The following SANBR variants were observed in gnomAD, a reference collection of about 807,000 sequenced individuals.
SANBR encodes the protein SANT and BTB domain regulator of class switch recombination.
SANBR carries 77 observed loss-of-function variants against 101.8 expected under a neutral mutation model. The observed-to-expected ratio is 0.76, with a 90% CI of 0.63 to 0.91. SANBR has a LOEUF of 0.91. SANBR is among the 40% of genes least tolerant of loss of function. SANBR has a pLI of 0.00. For missense variants in SANBR, 875 were observed against 853.0 expected (o/e 1.03, Z -0.32); for synonymous variants, 279 against 274.7 (o/e 1.02, Z -0.15).
intron 17 of SANBR, 76 bp downstream of exon 17, chr2:61,116,146 G>T: frequency 1.0e-6 from 1 of 993,106 alleles, no homozygotes; most frequent in Non-Finnish European, 1.5e-6. Context: ...AAAATAAAAA[G>T]AGTAATGAAG....
Position 61,106,603 on chromosome 2 carries a change from T to A in SANBR, c.1552T>A (p.Cys518Ser). 1 of 1,602,258 alleles carries A rather than the reference T, an allele frequency of 6.2e-7. No individual in the cohort carries two copies. The highest frequency in any genetic ancestry group is 8.5e-7 in the Non-Finnish European group (1 of 1,176,380). The change falls in exon 14 of 22, where the codon TGT becomes AGT. Residue 518 changes from cysteine (C) to serine (S), a missense_variant. By Grantham distance (112) the Cys-to-Ser change is moderately radical (BLOSUM62 -1). Coordinates refer to ENST00000402291, the MANE Select transcript of SANBR (RefSeq NM_001129993.3). ...VGLCDEKGIE[C>S]DVLLEPNTPW... ...CCTCTGTGATGAAAAGGGTATAGAA[T>A]GTGATGTTTTACTGGAGCCAAATAC...
rs1390018647 is a variant in SANBR at position 61,121,239 on chromosome 2, G to A, written c.2083G>A (p.Val695Ile). 6.4e-7 allele frequency: 1 copy of A among 1,551,192 alleles called. No homozygotes were observed. The highest frequency in any genetic ancestry group is 2.4e-5 in the East Asian group (1 of 41,012). ...LEAQIKASVP[V>I]SARQSSSEKN... ...AGCACAAATCAAGGCCTCAGTGCCA[G>A]TTAGTGCACGCCAAAGCAGCTCAGA... The change falls in exon 21 of 22, where the codon GTT (valine) becomes ATT (isoleucine). Residue 695 changes from valine (V) to isoleucine (I), a missense_variant. Physicochemically the swap from Val to Ile is conservative, Grantham distance 29. Coordinates refer to ENST00000402291, the MANE Select transcript of SANBR (RefSeq NM_001129993.3).
At chr2:61,118,566 GTTT>G (rs1175530888) in intron 20 of SANBR, among the ~76,000 whole-genome samples, 3 of 99,544 alleles carry the variant, frequency 3.0e-5, no homozygotes, top group African/African-American at 4.5e-5. Context: ...TTTTTTGTTG[GTTT>G]TTTTTTTTTT....
chr2:61,081,428 A>G, intron 6 of SANBR, 24 bp from the exon 7 acceptor site: 1 of 1,567,534 alleles, frequency 6.4e-7, no homozygotes, highest in South Asian at 1.2e-5. Flanking sequence ...TCAAAAGGGT[A>G]ATCTAATTTT....
chr2:61,128,128 C>T (rs576680727), downstream of SANBR, among the ~76,000 whole-genome samples: 10 of 151,944 alleles, frequency 6.6e-5, no homozygotes, highest in Admixed American at 3.3e-4. Context: ...AAAAATTAGC[C>T]GGGCATGGTG....
Position 61,123,594 on chromosome 2 carries a change from T to G in SANBR, c.*1432T>G, listed in dbSNP as rs1172855859. 2.0e-6 allele frequency: 2 copies of G among 981,922 alleles called. No homozygotes were observed. Among genetic ancestry groups the G allele is most frequent in the Non-Finnish European group, 2.4e-6 (2 of 826,732 alleles). 60.8% of individuals were successfully genotyped at this position (981,922 alleles called of 1,614,324 possible). ...CTCTGTTAAATACCAGAGTTTTTTTTGTAGTTTACTGTGTTTTCTGATTAA... is the reference window on the plus strand; with the variant it reads ...CTCTGTTAAATACCAGAGTTTTTTTGGTAGTTTACTGTGTTTTCTGATTAA... On this transcript the variant is annotated 3_prime_UTR_variant, in exon 22 of 22. Coordinates refer to ENST00000402291, the MANE Select transcript of SANBR (RefSeq NM_001129993.3).
chr2:61,084,709 C>G (rs1559091890), intron 8 of SANBR, among the ~76,000 whole-genome samples: 1 of 152,048 alleles, frequency 6.6e-6, no homozygotes. Flanking sequence ...GTGACGTGAT[C>G]TGATTTGTTG....
chr2:61,137,113 T>C (rs1684875184), intron 21 of SANBR, among the ~76,000 whole-genome samples: 1 of 151,668 alleles, frequency 6.6e-6, no homozygotes, highest in Admixed American at 6.6e-5. Context: ...GAGACTCCAT[T>C]TCTACAAAAA....
At chr2:61,085,556 G>A (rs1682380053) in intron 8 of SANBR, among the ~76,000 whole-genome samples, 1 of 151,750 alleles carries the variant, frequency 6.6e-6, no homozygotes, top group Admixed American at 6.6e-5. Context: ...TGTCACCCAG[G>A]CTGGAGTGCA....
intron 21 of SANBR, among the ~76,000 whole-genome samples, chr2:61,134,895 A>T (rs1293597385): frequency 6.6e-6 from 1 of 151,898 alleles, no homozygotes; most frequent in Non-Finnish European, 1.5e-5. Flanking sequence ...TCAAAAATAA[A>T]TATTTTTTTG....
At chr2:61,127,966 A>C (rs1684562694), downstream of SANBR, among the ~76,000 whole-genome samples, 4 of 152,196 alleles carry the variant, frequency 2.6e-5, no homozygotes, top group African/African-American at 9.6e-5. Context: ...AAGCTTGAAG[A>C]AGCAAGAGAA....
chr2:61,097,595 A>G (rs1683089493), intron 11 of SANBR, 105 bp from the exon 12 acceptor site: 1 of 884,626 alleles, frequency 1.1e-6, no homozygotes, highest in African/African-American at 1.7e-5. Flanking sequence ...CTTTTTCTGC[A>G]TATTTCATAT....
In SANBR at chr2:61,116,195, A is replaced by C. The variant is rs1684072718; in HGVS notation, c.1836+125A>C. On this transcript the variant is annotated intron_variant, in intron 17 of 21. Coordinates refer to ENST00000402291, the MANE Select transcript of SANBR (RefSeq NM_001129993.3). ...TAGCAATGTAAAAATGAAGTTTTTTATAGACTGAGATTAAAGATCTCTAAG... is the reference window on the plus strand; with the variant it reads ...TAGCAATGTAAAAATGAAGTTTTTTCTAGACTGAGATTAAAGATCTCTAAG... 4.9e-6 allele frequency: 3 copies of C among 617,998 alleles called. No homozygotes were observed. The African/African-American group carries it at 5.5e-5, about 11-fold the overall frequency. 38.3% of individuals were successfully genotyped at this position (617,998 alleles called of 1,614,324 possible).
intron 5 of SANBR, among the ~76,000 whole-genome samples, chr2:61,076,110 C>T (rs898332002): frequency 1.3e-5 from 2 of 151,510 alleles, no homozygotes; most frequent in African/African-American, 4.8e-5. Context: ...TCTCCTGCCT[C>T]AGCCTCCTAG....
chr2:61,073,298 T>C (rs1681581584), intron 4 of SANBR, among the ~76,000 whole-genome samples, 160 bp from the exon 5 acceptor site: 1 of 152,186 alleles, frequency 6.6e-6, no homozygotes, highest in East Asian at 1.9e-4. Flanking sequence ...CATATATCTT[T>C]AGAAATACTA....
intron 16 of SANBR, among the ~76,000 whole-genome samples, chr2:61,109,965 A>G (rs1369375950): frequency 6.6e-6 from 1 of 151,994 alleles, no homozygotes; most frequent in Admixed American, 6.5e-5. Flanking sequence ...GAGCATGGCT[A>G]TTGTACAACT....
rs1256002181 is a variant in SANBR at position 61,109,098 on chromosome 2, TTGAC to T, written c.1645-95_1645-92del. The stretch of plus-strand genomic sequence containing the variant: ...CAGAGGTTATTTTATCAGCTCTTGA[TTGAC>T]TGATTCATTCAAAAGAAATTTAGGT... On this transcript the variant is annotated intron_variant, in intron 15 of 21. Coordinates refer to ENST00000402291, the MANE Select transcript of SANBR (RefSeq NM_001129993.3). 7.3e-6 allele frequency: 4 copies of T among 547,114 alleles called. No homozygotes were observed. In the African/African-American group the frequency reaches 7.8e-5, roughly 11 times the overall value. 33.9% of individuals were successfully genotyped at this position (547,114 alleles called of 1,614,324 possible).
chr2:61,083,462 T>G, intron 8 of SANBR, 148 bp downstream of exon 8: 1 of 605,788 alleles, frequency 1.7e-6, no homozygotes, highest in Non-Finnish European at 2.8e-6. Flanking sequence ...AGTGGTGCAA[T>G]CTTGGCTCAC....
At position 61,123,083 on chromosome 2, in the gene SANBR, T is replaced by C. The variant is rs1437490599; in HGVS notation, c.*921T>C. ...AAAATTTGCATATATTCAAGAAAAATCAAAATAAAATTCTATTTTATAAAT... is the reference window on the plus strand; with the variant it reads ...AAAATTTGCATATATTCAAGAAAAACCAAAATAAAATTCTATTTTATAAAT... On this transcript the variant is annotated 3_prime_UTR_variant, in exon 22 of 22. Transcript: ENST00000402291. 1 of 971,330 alleles carries C rather than the reference T, an allele frequency of 1.0e-6. No individual in the cohort carries two copies. Among genetic ancestry groups the C allele is most frequent in the East Asian group, 1.1e-4 (1 of 8,844 alleles). 60.2% of individuals were successfully genotyped at this position (971,330 alleles called of 1,614,324 possible). A position where few individuals can be genotyped will look rare whatever the true frequency, so the allele number is the denominator to read the frequency against.
Sources: gnomAD v4.1 joint callset for allele counts (sites outside exome capture counted in the v4.1 genomes callset) on GRCh38, gnomAD v4.1.1 for gene constraint, MANE v1.5 for transcripts, NCBI Gene and HGNC (gene_info 2026-07-23, HGNC 2026-07-21) for gene names.